Variants in SMOC1 observed in about 807,000 individuals in gnomAD.
The protein encoded by SMOC1 is SPARC related modular calcium binding 1, also known as SPARC-related modular calcium-binding protein 1.
Under a neutral mutation model 56.3 loss-of-function variants are expected in SMOC1, and 22 were observed. That is an observed-to-expected ratio of 0.39 (90% CI 0.28 to 0.56). The LOEUF (loss-of-function observed/expected upper bound fraction) is 0.56, where lower values mean the gene tolerates loss of function less well. Ranked by LOEUF, SMOC1 falls within the 20% of genes least tolerant of loss-of-function variation. The probability of loss-of-function intolerance (pLI) is 0.61; values close to 1 mark genes in which losing one functional copy is unlikely to be tolerated. For synonymous variants in SMOC1, 193 were observed against 215.0 expected, an observed-to-expected ratio of 0.90 and a Z score of 0.89; for missense variants, 509 against 565.4, an observed-to-expected ratio of 0.90 and a Z score of 1.01.
chr14:69,908,543 G>C (rs1265856871), intron 1 of SMOC1, among the ~76,000 whole-genome samples: 1 of 152,162 alleles, frequency 6.6e-6, no homozygotes, highest in Non-Finnish European at 1.5e-5. Flanking sequence ...AGGACAGCCT[G>C]TGTTTAGACG....
chr14:69,945,038 AAAG>A (rs1272528752), intron 1 of SMOC1, among the ~76,000 whole-genome samples: 1 of 152,230 alleles, frequency 6.6e-6, no homozygotes, highest in African/African-American at 2.4e-5. Context: ...GTAGTTGGAC[AAAG>A]AATATTTCTT....
chr14:69,959,894 G>T (rs1329172764), intron 3 of SMOC1, among the ~76,000 whole-genome samples: 6 of 152,116 alleles, frequency 3.9e-5, no homozygotes, highest in Non-Finnish European at 8.8e-5. Flanking sequence ...ATACACACTT[G>T]TTTCCTAAGT....
intron 1 of SMOC1, among the ~76,000 whole-genome samples, chr14:69,928,757 C>G (rs1885085286): frequency 6.6e-6 from 1 of 152,106 alleles, no homozygotes; most frequent in South Asian, 2.1e-4. Context: ...ATTAATGTAC[C>G]CATCTGAGTA....
rs191016195 is a variant in SMOC1 at position 69,940,597 on chromosome 14, C to T, written c.100-11541C>T. Among the ~76,000 whole-genome samples the T allele has an allele frequency of 5.3e-5, 8 of 151,674 alleles. No homozygotes were observed. In the East Asian group the frequency reaches 1.2e-3, roughly 22 times the overall value. On this transcript the variant is annotated intron_variant, in intron 1 of 11. Coordinates refer to ENST00000361956, the MANE Select transcript of SMOC1 (RefSeq NM_001034852.3). ...GAAGGGCAGGACGCTTAGAACCAAA[C>T]AGGCATGAAGAAACTCCTTCTTTGT...
At chr14:69,894,548 G>C (rs1884045106) in intron 1 of SMOC1, among the ~76,000 whole-genome samples, 1 of 152,182 alleles carries the variant, frequency 6.6e-6, no homozygotes, top group South Asian at 2.1e-4. Context: ...TGACCACATG[G>C]CTACTGGACA....
At chr14:69,881,762 G>A (rs1286239217) in intron 1 of SMOC1, among the ~76,000 whole-genome samples, 2 of 152,144 alleles carry the variant, frequency 1.3e-5, no homozygotes, top group African/African-American at 4.8e-5. Flanking sequence ...TGGTTACCTG[G>A]TTGTGTTTAT....
At chr14:70,023,127 G>A (rs751192725) in intron 10 of SMOC1, 76 bp from the exon 11 acceptor site, 9 of 1,610,276 alleles carry the variant, frequency 5.6e-6, no homozygotes, top group Non-Finnish European at 7.6e-6. Flanking sequence ...TCTGGGGGCA[G>A]TCATACCAGG....
chr14:69,888,596 C>A lies in SMOC1; in HGVS notation c.99+8819C>A, dbSNP rs545515288. On this transcript the variant is annotated intron_variant, in intron 1 of 11. Coordinates refer to ENST00000361956, the MANE Select transcript of SMOC1 (RefSeq NM_001034852.3). ...CTGACAAATTATCTAGAGGTTTGAA[C>A]AACTACGCCTCGCCTCCTTAAAATC... Among the ~76,000 whole-genome samples, 435 of 152,288 alleles carry A rather than the reference C, an allele frequency of 2.9e-3. 4 individuals are homozygous for A. The highest frequency in any genetic ancestry group is 8.6e-3 in the African/African-American group (357 of 41,554).
intron 1 of SMOC1, among the ~76,000 whole-genome samples, chr14:69,882,102 T>C (rs1381999976): frequency 6.6e-6 from 1 of 152,194 alleles, no homozygotes; most frequent in Non-Finnish European, 1.5e-5. Context: ...GGTGTCTGTA[T>C]CACTTAAGGC....
intron 10 of SMOC1, among the ~76,000 whole-genome samples, chr14:70,019,652 G>A (rs1175800706): frequency 1.3e-5 from 2 of 152,156 alleles, no homozygotes; most frequent in African/African-American, 4.8e-5. Flanking sequence ...GGCTTTCTTG[G>A]GCTATGGCTT....
chr14:69,913,985 A>T (rs537758972), intron 1 of SMOC1, among the ~76,000 whole-genome samples: 2 of 152,188 alleles, frequency 1.3e-5, no homozygotes, highest in Non-Finnish European at 2.9e-5. Flanking sequence ...CATGAATAAG[A>T]TCCTGATCAT....
intron 4 of SMOC1, among the ~76,000 whole-genome samples, chr14:69,976,714 C>T (rs1883972635): frequency 6.6e-6 from 1 of 152,196 alleles, no homozygotes; most frequent in African/African-American, 2.4e-5. Context: ...GCCTGTCTCA[C>T]CCATCAGCTG....
At chr14:69,891,495 T>C (rs928934626) in intron 1 of SMOC1, among the ~76,000 whole-genome samples, 2 of 152,192 alleles carry the variant, frequency 1.3e-5, no homozygotes, top group African/African-American at 4.8e-5. Context: ...AGCATGACTT[T>C]CCTTTCATCT....
chr14:70,011,443 T>C, intron 8 of SMOC1, 42 bp from the exon 9 acceptor site: 1 of 1,528,076 alleles, frequency 6.5e-7, no homozygotes. Context: ...TAGGCTCAGT[T>C]GCCAGCCCCT....
At chr14:70,022,927 T>G (rs1413463977) in intron 10 of SMOC1, among the ~76,000 whole-genome samples, 1 of 152,244 alleles carries the variant, frequency 6.6e-6, no homozygotes, top group Admixed American at 6.5e-5. Context: ...GCACCCATCA[T>G]GTACAAGAAC....
chr14:69,895,932 G>A (rs1884087550), intron 1 of SMOC1, among the ~76,000 whole-genome samples: 1 of 146,734 alleles, frequency 6.8e-6, no homozygotes, highest in Admixed American at 7.1e-5. Flanking sequence ...GGGTGCAACT[G>A]AACTCTTGGG....
At chr14:69,943,546 T>C (rs1183886536) in intron 1 of SMOC1, among the ~76,000 whole-genome samples, 3 of 152,200 alleles carry the variant, frequency 2.0e-5, no homozygotes, top group Non-Finnish European at 4.4e-5. Flanking sequence ...AAGTCCAGTT[T>C]TGCAGATGGT....
chr14:69,885,651 T>G, intron 1 of SMOC1: 1 of 1,450,350 alleles, frequency 6.9e-7, no homozygotes, highest in Non-Finnish European at 9.6e-7. Context: ...ACCAGCTCGA[T>G]GGGATCCATG....
intron 4 of SMOC1, 150 bp from the exon 5 acceptor site, chr14:69,977,768 A>AT (rs1884021495): frequency 4.2e-6 from 3 of 722,258 alleles, no homozygotes; most frequent in Admixed American, 2.0e-5. Flanking sequence ...GTGTATATGT[A>AT]CTAACATTGT....
Sources: gnomAD v4.1 joint callset for allele counts (sites outside exome capture counted in the v4.1 genomes callset) on GRCh38, gnomAD v4.1.1 for gene constraint, MANE v1.5 for transcripts, NCBI Gene and HGNC (gene_info 2026-07-23, HGNC 2026-07-21) for gene names.